Variants in PXDNL observed in about 807,000 individuals in gnomAD.
PXDNL encodes the protein probable oxidoreductase PXDNL.
Under a neutral mutation model 150.8 loss-of-function variants are expected in PXDNL, and 145 were observed. The observed-to-expected ratio is 0.96, with a 90% CI of 0.84 to 1.10. The LOEUF is 1.10. PXDNL is among the 50% of genes least tolerant of loss of function. PXDNL has a pLI of 0.00. For missense variants in PXDNL, 2,087 were observed against 1,873.9 expected, an observed-to-expected ratio of 1.11 and a Z score of -2.10; for synonymous variants, 757 against 725.7, an observed-to-expected ratio of 1.04 and a Z score of -0.69.
rs531549380 is a variant in PXDNL, at chr8:51,374,824, C to A, written c.3558-93G>T. On this transcript the variant is annotated intron_variant, in intron 17 of 22. Transcript: ENST00000356297. The stretch of plus-strand genomic sequence containing the variant: ...GAATGACCACCAAGCATTATTTTAT[C>A]CACACAAAAAAAGAAAAGTAGATAT... 2.0e-5 allele frequency: 28 copies of A among 1,415,318 alleles called. No homozygotes were observed. The South Asian group carries it at 3.6e-4, about 18-fold the overall frequency. The allele number at this position is 1,415,318 out of a possible 1,614,324, so 87.7% of individuals were successfully genotyped here.
chr8:51,661,177 C>G (rs1815263278), intron 1 of PXDNL, among the ~76,000 whole-genome samples: 2 of 152,168 alleles, frequency 1.3e-5, no homozygotes, highest in South Asian at 4.1e-4. Flanking sequence ...TCCATCTTGC[C>G]CGATTCCCAG....
chr8:51,799,923 G>A (rs1444621411), intron 1 of PXDNL, among the ~76,000 whole-genome samples: 1 of 152,138 alleles, frequency 6.6e-6, no homozygotes, highest in Non-Finnish European at 1.5e-5. Context: ...ATATCTGCTT[G>A]TCAGAATATT....
intron 20 of PXDNL, among the ~76,000 whole-genome samples, chr8:51,344,663 A>C (rs1280213830): frequency 2.0e-5 from 3 of 152,196 alleles, no homozygotes; most frequent in Non-Finnish European, 2.9e-5. Context: ...GCTTAAAAGA[A>C]TGTTTGGCAT....
intron 2 of PXDNL, among the ~76,000 whole-genome samples, chr8:51,593,562 G>A (rs1813495148): frequency 6.6e-6 from 1 of 152,084 alleles, no homozygotes; most frequent in African/African-American, 2.4e-5. Flanking sequence ...TGTTTTGTGG[G>A]GTTTTTGTAT....
At chr8:51,334,123 G>GACAT (rs879300273) in intron 21 of PXDNL, among the ~76,000 whole-genome samples, 1 of 151,258 alleles carries the variant, frequency 6.6e-6, no homozygotes. Flanking sequence ...AAGCATTCTC[G>GACAT]CAGACCACAG....
rs1815182097 is a variant in PXDNL at position 51,657,777 on chromosome 8, C to T, written c.165-3017G>A. On this transcript the variant is annotated intron_variant, in intron 1 of 22. Transcript: ENST00000356297. ...TGTGAAAAGATGCTTGAACTCATCACCAAATTATAGATTTAAACTTATCAC... is the reference window on the plus strand; with the variant it reads ...TGTGAAAAGATGCTTGAACTCATCATCAAATTATAGATTTAAACTTATCAC... Among the ~76,000 whole-genome samples, 3 of 152,284 alleles carry T rather than the reference C, an allele frequency of 2.0e-5. No homozygotes were observed. The East Asian group carries it at 5.8e-4, about 29-fold the overall frequency.
chr8:51,539,411 T>C (rs952439152), intron 4 of PXDNL, among the ~76,000 whole-genome samples: 1 of 152,068 alleles, frequency 6.6e-6, no homozygotes, highest in Non-Finnish European at 1.5e-5. Flanking sequence ...TAATGAGAAA[T>C]ATAGTTATGT....
chr8:51,787,009 G>C (rs566844167), intron 1 of PXDNL, among the ~76,000 whole-genome samples: 2 of 148,756 alleles, frequency 1.3e-5, no homozygotes, highest in African/African-American at 5.0e-5. Flanking sequence ...CTATGCCCTA[G>C]AAATGGAACA....
At chr8:51,672,777 CTAAAAA>C (rs1460524164) in intron 1 of PXDNL, among the ~76,000 whole-genome samples, 2 of 151,930 alleles carry the variant, frequency 1.3e-5, no homozygotes, top group African/African-American at 4.8e-5. Flanking sequence ...GTTCTATAAA[CTAAAAA>C]TAATTAGTTC....
rs1375074138 is a variant in PXDNL at position 51,759,345 on chromosome 8, GA to G, written c.164+49835del. Among the ~76,000 whole-genome samples, 8 of 152,296 alleles carry G rather than the reference GA, an allele frequency of 5.3e-5. No homozygotes were observed. In the East Asian group the frequency reaches 1.5e-3, roughly 29 times the overall value. On this transcript the variant is annotated intron_variant, in intron 1 of 22. Coordinates refer to ENST00000356297, the MANE Select transcript of PXDNL (RefSeq NM_144651.5). ...CCTTCTCTGGCAGGCCAGCCCTGATGAAGTTTCTAAATAAGTTCATCCCCCA... is the reference window on the plus strand; with the variant it reads ...CCTTCTCTGGCAGGCCAGCCCTGATGAGTTTCTAAATAAGTTCATCCCCCA...
At chr8:51,578,816 C>T (rs1425844725) in intron 3 of PXDNL, among the ~76,000 whole-genome samples, 1 of 151,884 alleles carries the variant, frequency 6.6e-6, no homozygotes, top group East Asian at 1.9e-4. Context: ...CAAAATATAG[C>T]CAACTTATTT....
intron 4 of PXDNL, among the ~76,000 whole-genome samples, chr8:51,535,643 G>A (rs1027787921): frequency 1.4e-5 from 2 of 141,450 alleles, no homozygotes; most frequent in African/African-American, 5.6e-5. Flanking sequence ...TTTATCTGCT[G>A]ACCTTCCCTC....
rs141542791 is a variant in PXDNL, at chr8:51,601,908, G to C, written c.237-9210C>G. On this transcript the variant is annotated intron_variant, in intron 2 of 22. Coordinates refer to ENST00000356297, the MANE Select transcript of PXDNL (RefSeq NM_144651.5). Reference sequence around the variant, plus strand: ...AACTTCATTAAGAATCTCATGTAAGGCTGGTCTAGTGGTGACAAGTTCCCT... The same window carrying C: ...AACTTCATTAAGAATCTCATGTAAGCCTGGTCTAGTGGTGACAAGTTCCCT... 2.6e-4 allele frequency among the ~76,000 whole-genome samples: 40 copies of C among 151,934 alleles called. No individual in the cohort carries two copies. The East Asian group carries it at 7.8e-3, about 29-fold the overall frequency.
chr8:51,696,383 CAAG>C (rs1444157303), intron 1 of PXDNL, among the ~76,000 whole-genome samples: 6 of 152,334 alleles, frequency 3.9e-5, no homozygotes. Flanking sequence ...GTCTGCAAGC[CAAG>C]AAGATTCTCA....
intron 10 of PXDNL, among the ~76,000 whole-genome samples, chr8:51,450,558 T>C (rs1487176883): frequency 6.6e-6 from 1 of 152,246 alleles, no homozygotes; most frequent in Non-Finnish European, 1.5e-5. Context: ...AAGTAAATAA[T>C]ATTTGGCAAA....
intron 1 of PXDNL, among the ~76,000 whole-genome samples, chr8:51,673,652 A>G (rs568026413): frequency 6.6e-6 from 1 of 152,320 alleles, no homozygotes; most frequent in South Asian, 2.1e-4. Flanking sequence ...ATAAAGAAAA[A>G]TCAATTAACA....
At chr8:51,469,770 T>C (rs1005542696) in intron 8 of PXDNL, among the ~76,000 whole-genome samples, 4 of 152,094 alleles carry the variant, frequency 2.6e-5, no homozygotes, top group South Asian at 2.1e-4. Context: ...AGGATATATA[T>C]TATCTTTCTA....
intron 4 of PXDNL, among the ~76,000 whole-genome samples, chr8:51,543,710 CAAAAAAAA>C (rs572642373): frequency 3.3e-5 from 2 of 60,440 alleles, no homozygotes; most frequent in African/African-American, 9.6e-5. Flanking sequence ...GACTCCATAT[CAAAAAAAA>C]AAAAAAAAAA....
Position 51,408,490 on chromosome 8 carries a change from A to C in PXDNL, c.3134T>G (p.Ile1045Ser), listed in dbSNP as rs1808506155. The change falls in exon 17 of 23, where the codon ATT becomes AGT. Residue 1045 changes from isoleucine (I) to serine (S), a missense_variant. Coordinates refer to ENST00000356297, the MANE Select transcript of PXDNL (RefSeq NM_144651.5). ...AAAGGCTGCAGTAGCAAAAGAGTTA[A>C]TGATGCCTGCATTCACGTTGGGGTT... Reference protein sequence around the residue: ...GYNPNVNAGIINSFATAAFRF... With the variant: ...GYNPNVNAGISNSFATAAFRF... 1.2e-6 allele frequency: 2 copies of C among 1,613,190 alleles called. No homozygotes were observed. The highest frequency in any genetic ancestry group is 1.1e-5 in the South Asian group (1 of 90,640).
Sources: gnomAD v4.1 joint callset for allele counts (sites outside exome capture counted in the v4.1 genomes callset) on GRCh38, gnomAD v4.1.1 for gene constraint, MANE v1.5 for transcripts, NCBI Gene and HGNC (gene_info 2026-07-23, HGNC 2026-07-21) for gene names.